OTOP1: variants seen among roughly 807,000 people sequenced by gnomAD.
OTOP1 encodes the protein proton channel OTOP1.
A neutral mutation model predicts 52.9 loss-of-function variants in OTOP1; 59 were observed. That is an observed-to-expected ratio of 1.12 (90% CI 0.91 to 1.39). OTOP1 has a LOEUF of 1.39. OTOP1 is among the 40% of genes most tolerant of loss of function. The pLI is 0.00. For missense variants in OTOP1, 761 were observed against 800.9 expected (o/e 0.95, Z 0.60); for synonymous variants, 317 against 337.7 (o/e 0.94, Z 0.67).
At chr4:4,197,099 C>T in intron 5 of OTOP1, 67 bp downstream of exon 5, 1 of 1,464,942 alleles carries the variant, frequency 6.8e-7, no homozygotes, top group Non-Finnish European at 9.3e-7. Flanking sequence ...TGCATGTGTA[C>T]CCCTTGAACC....
chr4:4,219,076 C>T (rs1407830742), intron 1 of OTOP1, among the ~76,000 whole-genome samples: 1 of 151,732 alleles, frequency 6.6e-6, no homozygotes, highest in African/African-American at 2.4e-5. Context: ...GAAATAGGAA[C>T]GTAAAATGTA....
intron 4 of OTOP1, among the ~76,000 whole-genome samples, chr4:4,199,440 G>T (rs1194489744): frequency 1.3e-5 from 2 of 152,032 alleles, no homozygotes; most frequent in African/African-American, 4.8e-5. Context: ...TTGAGACAGA[G>T]CCTCCTTCTG....
intron 5 of OTOP1, among the ~76,000 whole-genome samples, chr4:4,191,207 T>C (rs1191507349): frequency 2.0e-5 from 3 of 152,014 alleles, no homozygotes; most frequent in Non-Finnish European, 4.4e-5. Flanking sequence ...GCATCTCCAC[T>C]CTGTGCCTCC....
intron 1 of OTOP1, among the ~76,000 whole-genome samples, chr4:4,224,133 G>A (rs1204931151): frequency 1.3e-5 from 2 of 152,040 alleles, no homozygotes; most frequent in Admixed American, 6.6e-5. Context: ...CAGATCACGA[G>A]GTCAGGAGTT....
Position 4,226,047 on chromosome 4 carries a change from C to G in OTOP1, c.403+415G>C, listed in dbSNP as rs190387557. On this transcript the variant is annotated intron_variant, in intron 1 of 5. Transcript: ENST00000296358. Reference sequence around the variant, plus strand: ...GTCCTGCGATGGGCGAGAAAGTTCGCGAGAATGACCCCAGCACAGGATGAG... The same window carrying G: ...GTCCTGCGATGGGCGAGAAAGTTCGGGAGAATGACCCCAGCACAGGATGAG... Among the ~76,000 whole-genome samples, 47 of 152,238 alleles carry G rather than the reference C, an allele frequency of 3.1e-4. No individual in the cohort carries two copies. In the East Asian group the frequency reaches 9.1e-3, roughly 29 times the overall value.
intron 2 of OTOP1, among the ~76,000 whole-genome samples, chr4:4,208,820 A>G (rs550391849): frequency 6.6e-6 from 1 of 152,258 alleles, no homozygotes; most frequent in South Asian, 2.1e-4. Flanking sequence ...ATTGCTAAAT[A>G]TGTTGGATTT....
chr4:4,219,501 A>G (rs1302742638), intron 1 of OTOP1, among the ~76,000 whole-genome samples: 1 of 152,078 alleles, frequency 6.6e-6, no homozygotes, highest in Non-Finnish European at 1.5e-5. Flanking sequence ...GGAGATCGAG[A>G]CCATCCTGGC....
At chr4:4,222,359 G>T (rs1191225468) in intron 1 of OTOP1, among the ~76,000 whole-genome samples, 1 of 152,072 alleles carries the variant, frequency 6.6e-6, no homozygotes, top group African/African-American at 2.4e-5. Context: ...CAGGTGCAAG[G>T]CAGCAGCACT....
At chr4:4,220,002 CATATATAT>C (rs1265167258) in intron 1 of OTOP1, among the ~76,000 whole-genome samples, 1 of 51,844 alleles carries the variant, frequency 1.9e-5, no homozygotes, top group Non-Finnish European at 3.4e-5. Context: ...GGTGTATATA[CATATATAT>C]GTATATACAT....
intron 1 of OTOP1, among the ~76,000 whole-genome samples, chr4:4,225,108 A>G (rs1234373191): frequency 6.6e-6 from 1 of 152,240 alleles, no homozygotes; most frequent in Non-Finnish European, 1.5e-5. Flanking sequence ...ATTTAAATTC[A>G]GGTCTAATAT....
At chr4:4,194,782 C>G (rs1254033502) in intron 5 of OTOP1, among the ~76,000 whole-genome samples, 1 of 152,230 alleles carries the variant, frequency 6.6e-6, no homozygotes, top group Non-Finnish European at 1.5e-5. Context: ...TCCCCTCCAG[C>G]CACCAGTCAC....
At chr4:4,226,430 C>T in intron 1 of OTOP1, 32 bp downstream of exon 1, 2 of 1,402,176 alleles carry the variant, frequency 1.4e-6, no homozygotes, top group Non-Finnish European at 1.8e-6. Flanking sequence ...GGCGAGGAGG[C>T]GGAGACCCGC....
At position 4,207,687 on chromosome 4, in the gene OTOP1, G is replaced by A. The variant is rs550653336; in HGVS notation, c.541-1557C>T. 7.9e-5 allele frequency among the ~76,000 whole-genome samples: 12 copies of A among 152,132 alleles called. No individual in the cohort carries two copies. The South Asian group carries it at 2.3e-3, about 29-fold the overall frequency. ...GTTCATAGCAGCATTATTCACAATA[G>A]CCAAGAGGTAGAAGCAACTGAAGTG... On this transcript the variant is annotated intron_variant, in intron 2 of 5. Transcript: ENST00000296358.
chr4:4,201,303 T>G (rs1716780945), intron 4 of OTOP1, among the ~76,000 whole-genome samples: 1 of 152,032 alleles, frequency 6.6e-6, no homozygotes. Flanking sequence ...GGCACGCACC[T>G]GTAGTCCCAG....
intron 3 of OTOP1, among the ~76,000 whole-genome samples, chr4:4,204,831 G>T (rs1716864238): frequency 6.6e-6 from 1 of 151,962 alleles, no homozygotes; most frequent in African/African-American, 2.4e-5. Flanking sequence ...GAGTGCAGTG[G>T]CGTGATCTCG....
In OTOP1 at chr4:4,212,986, G is replaced by A. The variant is rs1168817787; in HGVS notation, c.422C>T (p.Ala141Val). ...GWLRGSITLFAVITVILGCLK... is the reference protein window; with the variant it reads ...GWLRGSITLFVVITVILGCLK... ...GCATCCCAGGATGACGGTAATGACT[G>A]CAAACAATGTGATACTACCTAAATG... is the stretch of plus-strand genomic sequence containing the variant. The change falls in exon 2 of 6, where the codon GCA (alanine) becomes GTA (valine). Residue 141 changes from alanine (A) to valine (V), a missense_variant. Around this residue, in one of 3 missense-constraint regions of OTOP1, gnomAD observed 632 missense variants for 619.5 expected, o/e 1.02. Transcript: ENST00000296358. 1 of 1,613,934 alleles carries A rather than the reference G, an allele frequency of 6.2e-7. No individual in the cohort carries two copies. The highest frequency in any genetic ancestry group is 8.5e-7 in the Non-Finnish European group (1 of 1,179,808).
chr4:4,215,401 C>T (rs80251618), intron 1 of OTOP1, among the ~76,000 whole-genome samples: 1 of 152,180 alleles, frequency 6.6e-6, no homozygotes, highest in African/African-American at 2.4e-5. Flanking sequence ...GTGGCTCACA[C>T]CTGTAATCCC....
intron 3 of OTOP1, among the ~76,000 whole-genome samples, chr4:4,205,592 G>T (rs1991918): frequency 0.66 from 100,944 of 152,014 alleles, 33,960 homozygotes; most frequent in African/African-American, 0.73. Flanking sequence ...AAATACTGTC[G>T]AAGCAAGGCC....
At chr4:4,211,507 T>C (rs1415225162) in intron 2 of OTOP1, among the ~76,000 whole-genome samples, 1 of 152,236 alleles carries the variant, frequency 6.6e-6, no homozygotes, top group Non-Finnish European at 1.5e-5. Context: ...CTGGAGGACA[T>C]TGTGCTCAGT....
Sources: gnomAD v4.1 joint callset for allele counts (sites outside exome capture counted in the v4.1 genomes callset) on GRCh38, gnomAD v4.1.1 for gene constraint, gnomAD v4.1.1 regional missense constraint, MANE v1.5 for transcripts, NCBI Gene and HGNC (gene_info 2026-07-23, HGNC 2026-07-21) for gene names.